LHPP: variants seen among roughly 807,000 people sequenced by gnomAD.
LHPP encodes the protein hLHPP.
Under a neutral mutation model 30.3 loss-of-function variants are expected in LHPP, and 24 were observed. The ratio of observed to expected loss-of-function variants is 0.79; its 90% CI spans 0.57 to 1.11. LHPP has a LOEUF of 1.11. Ranked by LOEUF, LHPP falls within the 50% of genes most tolerant of loss-of-function variation. The probability of loss-of-function intolerance (pLI) is 0.00; values close to 1 mark genes in which losing one functional copy is unlikely to be tolerated. For missense variants in LHPP, 356 were observed against 367.2 expected (o/e 0.97, Z 0.25); for synonymous variants, 150 against 157.1 (o/e 0.95, Z 0.34).
rs1490578437 is a variant in LHPP, at chr10:124,510,024, C to T, written c.625-7156C>T. Among the ~76,000 whole-genome samples, 1 of 152,112 alleles carries T rather than the reference C, an allele frequency of 6.6e-6. No individual in the cohort carries two copies. The highest frequency in any genetic ancestry group is 1.5e-5 in the Non-Finnish European group (1 of 68,022). ...AGGATTGACTGCTGTAGCACCCGAC[C>T]CAGGACACCTGCCTCTGGGACTGTG... On this transcript the variant is annotated intron_variant, in intron 5 of 6. Coordinates refer to ENST00000368842, the MANE Select transcript of LHPP (RefSeq NM_022126.4). The surrounding 1 kb of genome is among the most constrained non-coding windows in gnomAD (Gnocchi z 4.0).
chr10:124,476,773 G>C (rs1362761933), intron 1 of LHPP, among the ~76,000 whole-genome samples: 1 of 152,174 alleles, frequency 6.6e-6, no homozygotes, highest in Non-Finnish European at 1.5e-5. Flanking sequence ...TGGAAAATTG[G>C]ATTTTTGGAG....
intron 6 of LHPP, among the ~76,000 whole-genome samples, chr10:124,610,422 A>T (rs61870463): frequency 1.5e-4 from 1 of 6,852 alleles, no homozygotes. Flanking sequence ...GGTGAGGGTG[A>T]GGGTGAGGGT....
intron 1 of LHPP, among the ~76,000 whole-genome samples, chr10:124,476,525 T>G (rs577385438): frequency 6.6e-6 from 1 of 152,208 alleles, no homozygotes; most frequent in East Asian, 1.9e-4. Flanking sequence ...ACCAGCCTGG[T>G]GCGCGCGCCA....
intron 6 of LHPP, among the ~76,000 whole-genome samples, chr10:124,584,888 C>G (rs1948783240): frequency 6.8e-6 from 1 of 146,070 alleles, no homozygotes; most frequent in Admixed American, 6.7e-5. Context: ...GTGGAAAATT[C>G]CACCCCTGTC....
intron 6 of LHPP, among the ~76,000 whole-genome samples, chr10:124,602,262 T>G (rs1420716331): frequency 1.3e-5 from 2 of 152,268 alleles, no homozygotes; most frequent in East Asian, 3.9e-4. Context: ...TCTCTGGGGG[T>G]CTCTCTCCTC....
intron 5 of LHPP, among the ~76,000 whole-genome samples, chr10:124,499,948 A>C (rs1953851706): frequency 6.6e-6 from 1 of 152,154 alleles, no homozygotes; most frequent in African/African-American, 2.4e-5. Context: ...ATGTCACATT[A>C]GTCTGTTGAG....
chr10:124,487,318 C>T (rs185263937), intron 2 of LHPP, among the ~76,000 whole-genome samples: 79 of 152,286 alleles, frequency 5.2e-4, no homozygotes, highest in Admixed American at 2.3e-3. Context: ...ATATTTTACA[C>T]GTCCTCCATC....
At chr10:124,589,703 C>T (rs939884196) in intron 6 of LHPP, among the ~76,000 whole-genome samples, 14 of 152,204 alleles carry the variant, frequency 9.2e-5, no homozygotes, top group African/African-American at 2.4e-4. Context: ...GTTAGAGACT[C>T]GAGCAAGACC....
intron 6 of LHPP, among the ~76,000 whole-genome samples, chr10:124,602,784 C>T (rs1420139215): frequency 6.6e-6 from 1 of 152,232 alleles, no homozygotes; most frequent in East Asian, 1.9e-4. Context: ...CCCAGCTCTT[C>T]ACACATCCAG....
At chr10:124,479,337 C>T (rs1359404770) in intron 1 of LHPP, among the ~76,000 whole-genome samples, 9 of 152,188 alleles carry the variant, frequency 5.9e-5, no homozygotes, top group Non-Finnish European at 1.2e-4. Context: ...CCTGGAGCCG[C>T]ACCTGACTAG....
At chr10:124,531,650 C>T (rs1164875119) in intron 6 of LHPP, among the ~76,000 whole-genome samples, 3 of 152,228 alleles carry the variant, frequency 2.0e-5, no homozygotes, top group Non-Finnish European at 2.9e-5. Flanking sequence ...CCAAGTTACG[C>T]GTTTGGGGCT....
chr10:124,572,691 G>C (rs1163477596), intron 6 of LHPP, among the ~76,000 whole-genome samples: 1 of 144,598 alleles, frequency 6.9e-6, no homozygotes, highest in South Asian at 2.4e-4. Context: ...GGAAGGGAGG[G>C]AGGAAGGAAG....
chr10:124,467,210 T>TG lies in LHPP; in HGVS notation c.125+5230dup, dbSNP rs1332530069. Among the ~76,000 whole-genome samples, 8 of 149,350 alleles carry TG rather than the reference T, an allele frequency of 5.4e-5. No individual in the cohort carries two copies. The East Asian group carries it at 1.2e-3, about 22-fold the overall frequency. The stretch of plus-strand genomic sequence containing the variant: ...AACAGGCTGGCAGTAGGGCAGGAGG[T>TG]GGGGGGGCTTGGACTGGGTAGAAGG... On this transcript the variant is annotated intron_variant, in intron 1 of 6. Transcript: ENST00000368842.
At chr10:124,551,219 G>A (rs917882219) in intron 6 of LHPP, among the ~76,000 whole-genome samples, 1 of 152,152 alleles carries the variant, frequency 6.6e-6, no homozygotes, top group African/African-American at 2.4e-5. Flanking sequence ...GAGGGCAGCT[G>A]GGCTGATGAG....
chr10:124,506,263 A>ACCCCCCCCCC (rs539116106), intron 5 of LHPP, among the ~76,000 whole-genome samples: 10 of 86,320 alleles, frequency 1.2e-4, no homozygotes, highest in Admixed American at 1.3e-4. Context: ...AAAACAACAA[A>ACCCCCCCCCC]CCCCCCCCCC....
chr10:124,571,789 T>G (rs1948587953), intron 6 of LHPP, among the ~76,000 whole-genome samples: 1 of 152,156 alleles, frequency 6.6e-6, no homozygotes, highest in Non-Finnish European at 1.5e-5. Flanking sequence ...GACACAGGCC[T>G]TTGCTGTGGC....
At chr10:124,568,874 G>A (rs1467184016) in intron 6 of LHPP, among the ~76,000 whole-genome samples, 1 of 152,214 alleles carries the variant, frequency 6.6e-6, no homozygotes, top group Non-Finnish European at 1.5e-5. Context: ...GTGAGAGCAG[G>A]TGCCTGGGGA....
At chr10:124,484,448 A>C in intron 2 of LHPP, 122 bp downstream of exon 2, 15 of 945,760 alleles carry the variant, frequency 1.6e-5, no homozygotes, top group Non-Finnish European at 2.4e-5. Context: ...ACCAACACTC[A>C]TGGGTTGGGG....
At chr10:124,481,375 T>C (rs1024074841) in intron 1 of LHPP, among the ~76,000 whole-genome samples, 25 of 74,962 alleles carry the variant, frequency 3.3e-4, no homozygotes, top group African/African-American at 1.0e-3. Flanking sequence ...TCTGCCCCCT[T>C]TTTTTTTTTT....
Sources: allele counts gnomAD v4.1 joint callset (sites outside exome capture counted in the v4.1 genomes callset), GRCh38; gene constraint gnomAD v4.1.1; non-coding constraint Gnocchi (gnomAD v3.1); transcripts MANE v1.5; gene names NCBI Gene and HGNC (gene_info 2026-07-23, HGNC 2026-07-21).